The following RHOT1 variants were observed in gnomAD, a reference collection of about 807,000 sequenced individuals.
RHOT1 encodes mitochondrial Rho GTPase 1.
RHOT1 carries 27 observed loss-of-function variants against 95.3 expected under a neutral mutation model. The observed-to-expected ratio is 0.28, with a 90% confidence interval of 0.21 to 0.39. RHOT1 has a LOEUF of 0.39. Ranked by LOEUF, RHOT1 falls within the 10% of genes least tolerant of loss-of-function variation. The pLI, the probability that RHOT1 is intolerant of heterozygous loss-of-function variation, is 1.00. For missense variants in RHOT1, 578 were observed against 786.7 expected (o/e 0.73, Z 3.17); for synonymous variants, 227 against 263.5 (o/e 0.86, Z 1.34).
At position 32,194,108 on chromosome 17, in the gene RHOT1, G is replaced by A. The variant is rs2036695402; in HGVS notation, c.869+1G>A. On this transcript the variant is annotated splice_donor_variant, in intron 11 of 19. Transcript: ENST00000545287. LOFTEE classifies it high-confidence loss of function. ...TGACACCTGAATATTTGTTCCCCCTGTATGTACCTTTGTTTTTTTTGTTGT... is the reference window on the plus strand; with the variant it reads ...TGACACCTGAATATTTGTTCCCCCTATATGTACCTTTGTTTTTTTTGTTGT... The A allele has an allele frequency of 6.2e-7, 1 of 1,610,336 alleles. No homozygotes were observed. The highest frequency in any genetic ancestry group is 1.3e-5 in the African/African-American group (1 of 74,562).
chr17:32,176,270 G>T, intron 6 of RHOT1, 57 bp downstream of exon 6: 2 of 1,356,838 alleles, frequency 1.5e-6, no homozygotes, highest in South Asian at 2.5e-5. Context: ...TTGCAGAAAA[G>T]GTACAAGAAG....
intron 6 of RHOT1, among the ~76,000 whole-genome samples, chr17:32,178,660 G>C (rs540145834): frequency 4.2e-4 from 64 of 151,746 alleles, no homozygotes; most frequent in African/African-American, 1.5e-3. Context: ...CATCGTCTGG[G>C]ATGTGAGGAG....
chr17:32,201,191 A>G, intron 14 of RHOT1, 135 bp downstream of exon 14: 1 of 506,584 alleles, frequency 2.0e-6, no homozygotes, highest in East Asian at 3.6e-5. Flanking sequence ...CCTTGTGATC[A>G]GATCATTTCT....
At chr17:32,217,808 A>G (rs1598472304) in intron 19 of RHOT1, among the ~76,000 whole-genome samples, 1 of 151,612 alleles carries the variant, frequency 6.6e-6, no homozygotes, top group African/African-American at 2.4e-5. Flanking sequence ...CATTTGGAGA[A>G]ACAAAAGCAG....
At chr17:32,145,295 G>C (rs1207945431) in intron 1 of RHOT1, among the ~76,000 whole-genome samples, 1 of 151,958 alleles carries the variant, frequency 6.6e-6, no homozygotes, top group Non-Finnish European at 1.5e-5. Flanking sequence ...GTGAGACTCT[G>C]TCTCAAAAAA....
Position 32,162,619 on chromosome 17 carries a change from A to G in RHOT1, c.38-8424A>G, listed in dbSNP as rs1426494799. ...ACAGCAGTACCACTGTGCTTGGGCC[A>G]GGTGAAATCAAATCAGATGATTCAG... On this transcript the variant is annotated intron_variant, in intron 1 of 19. Transcript: ENST00000545287. 5.3e-5 allele frequency among the ~76,000 whole-genome samples: 8 copies of G among 152,218 alleles called. No individual in the cohort carries two copies. The South Asian group carries it at 6.2e-4, about 12-fold the overall frequency.
chr17:32,180,408 G>A (rs1308634244), intron 6 of RHOT1, among the ~76,000 whole-genome samples: 1 of 151,964 alleles, frequency 6.6e-6, no homozygotes, highest in Non-Finnish European at 1.5e-5. Context: ...GGGTTAAATG[G>A]ATTAAGGGCA....
intron 8 of RHOT1, among the ~76,000 whole-genome samples, chr17:32,188,027 G>A (rs2036187881): frequency 6.6e-6 from 1 of 152,144 alleles, no homozygotes; most frequent in Non-Finnish European, 1.5e-5. Context: ...TGCTGCAAAG[G>A]CAAAGTTTAA....
intron 8 of RHOT1, among the ~76,000 whole-genome samples, chr17:32,185,319 A>G (rs2035958617): frequency 6.6e-6 from 1 of 152,200 alleles, no homozygotes; most frequent in South Asian, 2.1e-4. Context: ...TATGTTGGTC[A>G]GGCTGGTCTT....
intron 1 of RHOT1, among the ~76,000 whole-genome samples, chr17:32,156,503 T>C (rs2032980675): frequency 6.6e-6 from 1 of 152,198 alleles, no homozygotes; most frequent in Admixed American, 6.5e-5. Context: ...ACTCCTGGGC[T>C]CAAGTGATCC....
intron 19 of RHOT1, among the ~76,000 whole-genome samples, chr17:32,223,985 C>T (rs2038990792): frequency 6.6e-6 from 1 of 152,184 alleles, no homozygotes. Context: ...TAGTTGGTAT[C>T]ATTATCACTG....
At chr17:32,188,857 T>G (rs1295053416) in intron 8 of RHOT1, among the ~76,000 whole-genome samples, 1 of 152,210 alleles carries the variant, frequency 6.6e-6, no homozygotes, top group Non-Finnish European at 1.5e-5. Flanking sequence ...TATAAATAAT[T>G]AATTTGAGTT....
At position 32,198,933 on chromosome 17, in the gene RHOT1, A is replaced by T. The variant is rs747583130; in HGVS notation, c.870-14A>T. On this transcript the variant is annotated splice_polypyrimidine_tract_variant and intron_variant, in intron 11 of 19. Transcript: ENST00000545287. ...TGATTAATGATTTATTTTACTCTTGAATTTTTTCAACAGGCTGAAAATACC... is the reference window on the plus strand; with the variant it reads ...TGATTAATGATTTATTTTACTCTTGTATTTTTTCAACAGGCTGAAAATACC... 3.8e-5 allele frequency: 59 copies of T among 1,549,910 alleles called. No individual in the cohort carries two copies. Among genetic ancestry groups the T allele is most frequent in the African/African-American group, 6.8e-5 (5 of 73,052 alleles).
intron 1 of RHOT1, among the ~76,000 whole-genome samples, chr17:32,164,492 A>C (rs1292492624): frequency 2.6e-5 from 4 of 151,882 alleles, no homozygotes; most frequent in Non-Finnish European, 4.4e-5. Context: ...TCGGCCTCCC[A>C]AAGTGCTAGA....
At position 32,164,474 on chromosome 17, in the gene RHOT1, C is replaced by T. The variant is rs939977562; in HGVS notation, c.38-6569C>T. ...GTCTTGATCTCTTGACCTCATGATC[C>T]GCCCACCTCGGCCTCCCAAAGTGCT... On this transcript the variant is annotated intron_variant, in intron 1 of 19. Coordinates refer to ENST00000545287, the MANE Select transcript of RHOT1 (RefSeq NM_001033566.3). Among the ~76,000 whole-genome samples, 6 of 151,996 alleles carry T rather than the reference C, an allele frequency of 3.9e-5. No individual in the cohort carries two copies. The East Asian group carries it at 7.9e-4, about 20-fold the overall frequency.
chr17:32,173,875 C>A lies in RHOT1; in HGVS notation c.141C>A (p.Thr47=), dbSNP rs2142543404. ...AEEITIPADV[T]PERVPTHIVD... ...AAATCACCATTCCAGCTGATGTCAC[C>A]CCAGAGAGAGTTCCAACACACATTG... The change falls in exon 3 of 20, where the codon ACC becomes ACA. Residue 47 remains threonine (T), a synonymous_variant. Coordinates refer to ENST00000545287, the MANE Select transcript of RHOT1 (RefSeq NM_001033566.3). 6.2e-7 allele frequency: 1 copy of A among 1,611,566 alleles called. No homozygotes were observed. The highest frequency in any genetic ancestry group is 8.5e-7 in the Non-Finnish European group (1 of 1,178,590).
chr17:32,178,268 T>C (rs1027162615), intron 6 of RHOT1, among the ~76,000 whole-genome samples: 35 of 143,418 alleles, frequency 2.4e-4, no homozygotes, highest in South Asian at 9.6e-4. Context: ...CTCGGCTCAC[T>C]GCAACCTGCC....
At chr17:32,170,344 G>A (rs536606333) in intron 1 of RHOT1, among the ~76,000 whole-genome samples, 2 of 152,184 alleles carry the variant, frequency 1.3e-5, no homozygotes, top group African/African-American at 4.8e-5. Flanking sequence ...GAACCCAGGT[G>A]GTGGGGATTG....
chr17:32,142,818 C>T, intron 1 of RHOT1, 89 bp downstream of exon 1: 2 of 1,138,114 alleles, frequency 1.8e-6, no homozygotes, highest in East Asian at 2.6e-5. Context: ...GCAGCCCCAA[C>T]CTTTGCAGCC....
Sources: gnomAD v4.1 joint callset for allele counts (sites outside exome capture counted in the v4.1 genomes callset) on GRCh38, gnomAD v4.1.1 for gene constraint, MANE v1.5 for transcripts, NCBI Gene and HGNC (gene_info 2026-07-23, HGNC 2026-07-21) for gene names.